BRD10: variants seen among roughly 807,000 people sequenced by gnomAD.
The protein encoded by BRD10 is bromodomain containing 10.
At chr9:5,947,009 G>T in the BRD10 span, among the ~76,000 whole-genome samples, 2 of 151,782 alleles carry the variant, frequency 1.3e-5, no homozygotes, top group Non-Finnish European at 2.9e-5. Flanking sequence ...AACTAAACAT[G>T]CCCTAAAACA....
At chr9:5,888,329 C>T in the BRD10 span, among the ~76,000 whole-genome samples, 2 of 152,256 alleles carry the variant, frequency 1.3e-5, no homozygotes, top group East Asian at 3.9e-4. Flanking sequence ...GTGATTTTTG[C>T]ACTGTCGGAC....
the BRD10 span, among the ~76,000 whole-genome samples, chr9:5,964,476 T>A: frequency 2.5e-4 from 36 of 146,820 alleles, no homozygotes; most frequent in African/African-American, 8.5e-4. Flanking sequence ...AACTAGTTCA[T>A]CCATTGTGGA....
the BRD10 span, among the ~76,000 whole-genome samples, chr9:5,959,913 T>G: frequency 6.6e-6 from 1 of 152,242 alleles, no homozygotes; most frequent in Admixed American, 6.5e-5. Context: ...GAACAGCTTC[T>G]AAAACCTCAA....
At chr9:5,948,619 T>C in the BRD10 span, among the ~76,000 whole-genome samples, 10 of 152,000 alleles carry the variant, frequency 6.6e-5, no homozygotes, top group South Asian at 2.1e-4. Context: ...GTCTAAAAGA[T>C]ATTTACTTGC....
At chr9:5,930,578 T>C in the BRD10 span, among the ~76,000 whole-genome samples, 209 of 152,146 alleles carry the variant, frequency 1.4e-3, 1 homozygote, top group African/African-American at 4.7e-3. Flanking sequence ...AGTAGGAAGA[T>C]ATGAGATTAT....
chr9:5,924,289 T>C, the BRD10 span, among the ~76,000 whole-genome samples: 1 of 136,612 alleles, frequency 7.3e-6, no homozygotes, highest in Non-Finnish European at 1.6e-5. Context: ...TCCAAGAAAC[T>C]TTTTTTTTTT....
At chr9:5,991,724 T>TAA in the BRD10 span, among the ~76,000 whole-genome samples, 11 of 117,996 alleles carry the variant, frequency 9.3e-5, no homozygotes, top group South Asian at 2.7e-4. Context: ...GACTCTGTCT[T>TAA]AAAAAAAAAA....
chr9:5,911,491 C>G, the BRD10 span, among the ~76,000 whole-genome samples: 1 of 147,534 alleles, frequency 6.8e-6, no homozygotes, highest in Non-Finnish European at 1.5e-5. Flanking sequence ...ATAATGTGAT[C>G]CTTCCAGTTT....
the BRD10 span, chr9:6,007,484 G>A: frequency 4.5e-5 from 72 of 1,611,894 alleles, no homozygotes; most frequent in Non-Finnish European, 2.5e-6. Flanking sequence ...AAGGGCTGCA[G>A]AAAGGGGGCG....
At chr9:5,920,341 T>A in the BRD10 span, 1 of 1,613,818 alleles carries the variant, frequency 6.2e-7, no homozygotes, top group South Asian at 1.1e-5. Flanking sequence ...GAGTACCAGG[T>A]GCCAAAGGTG....
At chr9:5,968,864 C>T in the BRD10 span, 1 of 1,613,260 alleles carries the variant, frequency 6.2e-7, no homozygotes, top group Non-Finnish European at 8.5e-7. Context: ...AACTTCCCTG[C>T]ATTCATGGAT....
At chr9:5,969,435 G>A in the BRD10 span, 1 of 1,527,048 alleles carries the variant, frequency 6.5e-7, no homozygotes, top group East Asian at 2.3e-5. Context: ...TGCTCCCGAA[G>A]CCTAAAGAAA....
At chr9:5,957,225 T>C in the BRD10 span, among the ~76,000 whole-genome samples, 1 of 152,152 alleles carries the variant, frequency 6.6e-6, no homozygotes, top group African/African-American at 2.4e-5. Flanking sequence ...ATAACTCTAC[T>C]GTAATACTGG....
chr9:5,920,050 T>C, the BRD10 span: 1 of 1,613,940 alleles, frequency 6.2e-7, no homozygotes, highest in Non-Finnish European at 8.5e-7. Context: ...TGAGTTGTGG[T>C]GATGTATGTA....
chr9:5,980,972 CATGACCTTCCT>C, the BRD10 span, among the ~76,000 whole-genome samples: 22 of 152,322 alleles, frequency 1.4e-4, no homozygotes, highest in Non-Finnish European at 2.8e-4. Context: ...CCTCTTCTAA[CATGACCTTCCT>C]ATGATTTCAA....
the BRD10 span, among the ~76,000 whole-genome samples, chr9:5,918,154 C>T: frequency 6.6e-6 from 1 of 152,130 alleles, no homozygotes; most frequent in Non-Finnish European, 1.5e-5. Context: ...AGGAAAAGTA[C>T]TTAGAGCATA....
At chr9:6,007,414 C>A in the BRD10 span, 2 of 1,607,244 alleles carry the variant, frequency 1.2e-6, no homozygotes, top group Non-Finnish European at 1.7e-6. Context: ...GGCGCGACCG[C>A]CCCGGCCCCC....
chr9:5,993,705 CCT>C, the BRD10 span, among the ~76,000 whole-genome samples: 1 of 152,130 alleles, frequency 6.6e-6, no homozygotes, highest in Non-Finnish European at 1.5e-5. Context: ...ATATGTCTGT[CCT>C]CTCTGTCCTC....
At chr9:5,930,470 T>C in the BRD10 span, among the ~76,000 whole-genome samples, 1 of 151,398 alleles carries the variant, frequency 6.6e-6, no homozygotes, top group Admixed American at 6.6e-5. Context: ...ACAAAAAATA[T>C]TCTGTGCTTT....
Sources: gnomAD v4.1 joint callset for allele counts (sites outside exome capture counted in the v4.1 genomes callset) on GRCh38, gnomAD v4.1.1 for gene constraint, MANE v1.5 for transcripts, NCBI Gene and HGNC (gene_info 2026-07-23, HGNC 2026-07-21) for gene names.